VWC2L: variants seen among roughly 807,000 people sequenced by gnomAD.
VWC2L encodes the protein von Willebrand factor C domain containing 2 like.
Under a neutral mutation model 21.6 loss-of-function variants are expected in VWC2L, and 10 were observed. That is an observed-to-expected ratio of 0.46 (90% CI 0.29 to 0.78). The LOEUF is 0.78. Ranked by LOEUF, VWC2L falls within the 30% of genes least tolerant of loss-of-function variation. The pLI, the probability that VWC2L is intolerant of heterozygous loss-of-function variation, is 0.10. For synonymous variants in VWC2L, 96 were observed against 94.3 expected, an observed-to-expected ratio of 1.02 and a Z score of -0.10; for missense variants, 209 against 277.1, an observed-to-expected ratio of 0.75 and a Z score of 1.74.
chr2:214,412,747 C>T (rs570667934), intron 1 of VWC2L, among the ~76,000 whole-genome samples: 4 of 151,992 alleles, frequency 2.6e-5, no homozygotes, highest in African/African-American at 9.7e-5. Flanking sequence ...TTCCTAATGT[C>T]ATCTTTATCT....
At chr2:214,558,326 C>G (rs1187307572) in intron 3 of VWC2L, among the ~76,000 whole-genome samples, 3 of 152,162 alleles carry the variant, frequency 2.0e-5, no homozygotes, top group African/African-American at 7.2e-5. Flanking sequence ...AATTACCATT[C>G]ATTTTCCAGG....
chr2:214,464,597 A>G (rs1703189540), intron 3 of VWC2L, among the ~76,000 whole-genome samples: 1 of 152,158 alleles, frequency 6.6e-6, no homozygotes, highest in Admixed American at 6.5e-5. Flanking sequence ...TGAAGCCAAC[A>G]CAGACCTAGG....
At chr2:214,561,273 G>A (rs1025694192) in intron 3 of VWC2L, among the ~76,000 whole-genome samples, 1 of 152,114 alleles carries the variant, frequency 6.6e-6, no homozygotes, top group Non-Finnish European at 1.5e-5. Flanking sequence ...CTATCGTAAA[G>A]AGATGCCCTT....
At chr2:214,528,195 CA>C in intron 3 of VWC2L, among the ~76,000 whole-genome samples, 1 of 152,270 alleles carries the variant, frequency 6.6e-6, no homozygotes, top group East Asian at 1.9e-4. Context: ...TTCATGAAAT[CA>C]TACAGTTTAA....
At chr2:214,526,255 A>G (rs1038358276) in intron 3 of VWC2L, among the ~76,000 whole-genome samples, 8 of 151,986 alleles carry the variant, frequency 5.3e-5, no homozygotes, top group African/African-American at 1.9e-4. Context: ...ACATATTTAG[A>G]GGAAAAAAAG....
intron 3 of VWC2L, among the ~76,000 whole-genome samples, chr2:214,454,703 A>C (rs766067665): frequency 1.4e-5 from 2 of 138,198 alleles, no homozygotes; most frequent in African/African-American, 2.8e-5. Flanking sequence ...TCCCAGGTTC[A>C]TGCCATTCTC....
At chr2:214,425,527 C>G (rs113532395) in intron 2 of VWC2L, among the ~76,000 whole-genome samples, 2 of 152,016 alleles carry the variant, frequency 1.3e-5, no homozygotes, top group Non-Finnish European at 2.9e-5. Flanking sequence ...AATTTTTTAT[C>G]TTTTTATATC....
intron 3 of VWC2L, among the ~76,000 whole-genome samples, chr2:214,443,123 A>G (rs867273085): frequency 2.0e-5 from 3 of 152,070 alleles, no homozygotes; most frequent in South Asian, 2.1e-4. Context: ...GCTCTCACCT[A>G]TAATCCCAGC....
At chr2:214,416,634 A>G (rs1436702640) in intron 2 of VWC2L, among the ~76,000 whole-genome samples, 1 of 152,070 alleles carries the variant, frequency 6.6e-6, no homozygotes, top group Non-Finnish European at 1.5e-5. Flanking sequence ...ATTCTAACAT[A>G]CTATATGATC....
chr2:214,507,422 C>A (rs1422708270), intron 3 of VWC2L, among the ~76,000 whole-genome samples: 1 of 152,140 alleles, frequency 6.6e-6, no homozygotes, highest in Non-Finnish European at 1.5e-5. Context: ...GGATAATGAT[C>A]ATTTTCACAT....
intron 3 of VWC2L, among the ~76,000 whole-genome samples, chr2:214,445,693 T>C (rs1702827506): frequency 6.6e-6 from 1 of 151,914 alleles, no homozygotes; most frequent in African/African-American, 2.4e-5. Context: ...TTTTCTTCCT[T>C]TGACAAACCT....
chr2:214,444,981 A>C (rs1166051858), intron 3 of VWC2L, among the ~76,000 whole-genome samples: 2 of 151,964 alleles, frequency 1.3e-5, no homozygotes, highest in East Asian at 1.9e-4. Flanking sequence ...AAAAGCAAAT[A>C]GTTTCTAAAA....
intron 3 of VWC2L, among the ~76,000 whole-genome samples, chr2:214,522,756 C>A (rs1313393404): frequency 6.6e-6 from 1 of 151,998 alleles, no homozygotes; most frequent in Non-Finnish European, 1.5e-5. Flanking sequence ...TACATATTTG[C>A]AATAGATGAA....
intron 2 of VWC2L, among the ~76,000 whole-genome samples, chr2:214,420,636 C>T (rs1315052649): frequency 6.6e-6 from 1 of 152,112 alleles, no homozygotes; most frequent in Admixed American, 6.5e-5. Context: ...AATAGAGGTG[C>T]AGTTTTTAAA....
chr2:214,568,606 T>G (rs1416517828), intron 3 of VWC2L, among the ~76,000 whole-genome samples: 2 of 152,102 alleles, frequency 1.3e-5, no homozygotes, highest in African/African-American at 4.8e-5. Context: ...GGAACTCCCT[T>G]TTTTAAAACC....
intron 2 of VWC2L, among the ~76,000 whole-genome samples, chr2:214,417,436 G>T (rs1174247023): frequency 6.6e-6 from 1 of 152,150 alleles, no homozygotes; most frequent in Non-Finnish European, 1.5e-5. Flanking sequence ...TATCAAAATA[G>T]TATGAGGCTT....
chr2:214,522,236 G>T (rs920018783), intron 3 of VWC2L, among the ~76,000 whole-genome samples: 1 of 151,960 alleles, frequency 6.6e-6, no homozygotes, highest in African/African-American at 2.4e-5. Flanking sequence ...TTAGCCATGC[G>T]TGGTGGCGGG....
At chr2:214,533,081 C>T (rs188439697) in intron 3 of VWC2L, among the ~76,000 whole-genome samples, 59 of 152,142 alleles carry the variant, frequency 3.9e-4, no homozygotes, top group South Asian at 6.2e-4. Flanking sequence ...GTGAGCAGAA[C>T]AAAATTCTGC....
intron 3 of VWC2L, among the ~76,000 whole-genome samples, chr2:214,507,286 T>A (rs1003442614): frequency 6.6e-6 from 1 of 152,216 alleles, no homozygotes; most frequent in African/African-American, 2.4e-5. Flanking sequence ...CCCAGCATAA[T>A]CAGATAGTTT....
Sources: gnomAD v4.1 joint callset for allele counts (sites outside exome capture counted in the v4.1 genomes callset) on GRCh38, gnomAD v4.1.1 for gene constraint, MANE v1.5 for transcripts, NCBI Gene and HGNC (gene_info 2026-07-23, HGNC 2026-07-21) for gene names.